The following TIMD4 variants were observed in gnomAD, a reference collection of about 807,000 sequenced individuals.
TIMD4 encodes the protein T cell immunoglobulin and mucin domain containing 4.
In TIMD4, 31 loss-of-function variants were observed where a neutral mutation model predicts 41.2. That is an observed-to-expected ratio of 0.75 (90% CI 0.57 to 1.01). The LOEUF is 1.01. Among genes scored for constraint, TIMD4 ranks in the 50% least tolerant of loss-of-function variants. The probability of loss-of-function intolerance (pLI) is 0.00; values close to 1 mark genes in which losing one functional copy is unlikely to be tolerated. For missense variants in TIMD4, 479 were observed against 472.5 expected (o/e 1.01, Z -0.13); for synonymous variants, 204 against 177.1 (o/e 1.15, Z -1.21).
rs148251590 is a variant in TIMD4, at chr5:156,922,204, G to A, written c.907C>T (p.Pro303Ser). Residue 303 changes from proline (P) to serine (S), a missense_variant, in exon 7 of 9, where the codon CCC (proline) becomes TCC (serine). Transcript: ENST00000274532. ...GGCATTTCATTCTTCATTGACATGG[G>A]TATTCCATCCATCTGATGGGACACA... ...TTKTGQMDGI[P>S]MSMKNEMPIS... The A allele has an allele frequency of 2.5e-6, 4 of 1,613,452 alleles. No individual in the cohort carries two copies. The highest frequency in any genetic ancestry group is 2.2e-5 in the East Asian group (1 of 44,872).
chr5:156,933,563 T>TTTTGC (rs151197978), intron 5 of TIMD4, among the ~76,000 whole-genome samples: 4 of 149,670 alleles, frequency 2.7e-5, no homozygotes, highest in Admixed American at 2.7e-4. Flanking sequence ...TTTTGTTTTG[T>TTTTGC]TTTGTTTTGT....
intron 5 of TIMD4, among the ~76,000 whole-genome samples, chr5:156,936,051 C>A (rs1484505729): frequency 6.6e-6 from 1 of 152,028 alleles, no homozygotes; most frequent in Non-Finnish European, 1.5e-5. Context: ...CCAGCCTGGG[C>A]AACATAGGGA....
At chr5:156,936,510 G>C (rs1759542052) in intron 5 of TIMD4, among the ~76,000 whole-genome samples, 1 of 152,152 alleles carries the variant, frequency 6.6e-6, no homozygotes, top group Non-Finnish European at 1.5e-5. Flanking sequence ...TGCTCAAGTT[G>C]CATAGTAGGA....
intron 5 of TIMD4, among the ~76,000 whole-genome samples, chr5:156,944,404 G>A (rs1315198277): frequency 6.7e-6 from 1 of 150,368 alleles, no homozygotes; most frequent in Non-Finnish European, 1.5e-5. Flanking sequence ...CTCATCTACA[G>A]ATATCCCCCA....
intron 1 of TIMD4, among the ~76,000 whole-genome samples, chr5:156,957,056 G>C (rs1327281705): frequency 6.7e-6 from 1 of 150,282 alleles, no homozygotes; most frequent in East Asian, 1.9e-4. Context: ...TTTAAAGACA[G>C]TCTCATTCTG....
At chr5:156,961,675 C>T (rs1169823227) in intron 1 of TIMD4, among the ~76,000 whole-genome samples, 11 of 151,590 alleles carry the variant, frequency 7.3e-5, no homozygotes, top group East Asian at 1.9e-4. Context: ...TGGTGGCAGG[C>T]GCCCATAGTC....
At chr5:156,958,280 T>TGAAA (rs750075793) in intron 1 of TIMD4, among the ~76,000 whole-genome samples, 1 of 134,590 alleles carries the variant, frequency 7.4e-6, no homozygotes, top group Non-Finnish European at 1.5e-5. Flanking sequence ...CAAGACTCTG[T>TGAAA]GAAAGAAAGA....
intron 3 of TIMD4, among the ~76,000 whole-genome samples, 173 bp downstream of exon 3, chr5:156,951,338 AT>A (rs1156664048): frequency 6.6e-6 from 1 of 152,016 alleles, no homozygotes; most frequent in Non-Finnish European, 1.5e-5. Flanking sequence ...GCGAAAATAA[AT>A]TTCTGTTGTT....
At chr5:156,923,920 C>T (rs995716805) in intron 6 of TIMD4, among the ~76,000 whole-genome samples, 2 of 152,048 alleles carry the variant, frequency 1.3e-5, no homozygotes, top group Non-Finnish European at 2.9e-5. Context: ...TCACTGCAGC[C>T]TCAACCTCCT....
chr5:156,961,568 C>G (rs972379772), intron 1 of TIMD4, among the ~76,000 whole-genome samples: 1 of 151,598 alleles, frequency 6.6e-6, no homozygotes, highest in Non-Finnish European at 1.5e-5. Flanking sequence ...TTTGGGAGGC[C>G]GAGGTGAGTG....
intron 5 of TIMD4, among the ~76,000 whole-genome samples, chr5:156,943,851 A>C (rs1329975008): frequency 6.6e-6 from 1 of 151,432 alleles, no homozygotes; most frequent in African/African-American, 2.4e-5. Flanking sequence ...GGAGTTTGAG[A>C]CCAGCCTGGC....
At chr5:156,956,245 C>T (rs1253667498) in intron 1 of TIMD4, among the ~76,000 whole-genome samples, 2 of 151,642 alleles carry the variant, frequency 1.3e-5, no homozygotes, top group Non-Finnish European at 2.9e-5. Flanking sequence ...TTCTATGCCT[C>T]GCTTATTTCA....
At chr5:156,956,145 A>AC (rs994988763) in intron 1 of TIMD4, among the ~76,000 whole-genome samples, 4 of 148,382 alleles carry the variant, frequency 2.7e-5, no homozygotes, top group Non-Finnish European at 4.5e-5. Flanking sequence ...CCACTCACCC[A>AC]CCCCCCAGCC....
At position 156,931,564 on chromosome 5, in the gene TIMD4, A is replaced by G. The variant is rs146458801; in HGVS notation, c.845-5252T>C. 1.6e-3 allele frequency among the ~76,000 whole-genome samples: 241 copies of G among 152,348 alleles called. 1 individual carries two copies. Among genetic ancestry groups the G allele is most frequent in the African/African-American group, 5.6e-3 (232 of 41,572 alleles). On this transcript the variant is annotated intron_variant, in intron 5 of 8. Transcript: ENST00000274532. ...CTTCTGGTTAATATTAGATGTTTCT[A>G]TAGGATGAGAATACATTTACAGGAG...
intron 1 of TIMD4, among the ~76,000 whole-genome samples, chr5:156,959,530 CT>C (rs1321813836): frequency 6.6e-6 from 1 of 152,148 alleles, no homozygotes; most frequent in Non-Finnish European, 1.5e-5. Context: ...ACCAGTTTCA[CT>C]TCTGTGGAGC....
intron 5 of TIMD4, among the ~76,000 whole-genome samples, chr5:156,934,125 TC>T (rs1759496277): frequency 6.6e-6 from 1 of 152,150 alleles, no homozygotes; most frequent in African/African-American, 2.4e-5. Context: ...TTTAATATCA[TC>T]CCCGTTCCCA....
Position 156,944,502 on chromosome 5 carries a change from T to C in TIMD4, c.844+3914A>G, listed in dbSNP as rs975633952. Among the ~76,000 whole-genome samples the C allele has an allele frequency of 6.1e-3, 804 of 131,966 alleles. 10 individuals are homozygous for C. Among genetic ancestry groups the C allele is most frequent in the African/African-American group, 0.02 (746 of 36,774 alleles). The allele number at this position is 131,966 out of a possible 152,430, so 86.6% of individuals were successfully genotyped here. ...GCTGTTCAGCTGTGTGATCTTTTTT[T>C]TTTTTTTTTTTTTTTTTTTTGAGAC... is the stretch of plus-strand genomic sequence containing the variant. On this transcript the variant is annotated intron_variant, in intron 5 of 8. Transcript: ENST00000274532.
chr5:156,927,707 G>T (rs1759373012), intron 5 of TIMD4, among the ~76,000 whole-genome samples: 1 of 152,152 alleles, frequency 6.6e-6, no homozygotes. Context: ...GAATGTGGGG[G>T]TAAGAAAGAG....
chr5:156,961,819 A>G (rs868763550), intron 1 of TIMD4, among the ~76,000 whole-genome samples: 101 of 130,246 alleles, frequency 7.8e-4, no homozygotes, highest in African/African-American at 1.7e-3. Flanking sequence ...AAAAAAAAAA[A>G]AAAAAAAAAA....
Sources: allele counts gnomAD v4.1 joint callset (sites outside exome capture counted in the v4.1 genomes callset), GRCh38; gene constraint gnomAD v4.1.1; transcripts MANE v1.5; gene names NCBI Gene and HGNC (gene_info 2026-07-23, HGNC 2026-07-21).